Variants in CDH8 observed in about 807,000 individuals in gnomAD.
The protein encoded by CDH8 is cadherin-8.
Under a neutral mutation model 68.1 loss-of-function variants are expected in CDH8, and 17 were observed. The ratio of observed to expected loss-of-function variants is 0.25; its 90% confidence interval spans 0.17 to 0.37. The LOEUF (loss-of-function observed/expected upper bound fraction) is 0.37. CDH8 is among the 10% of genes least tolerant of loss of function. CDH8 has a pLI of 1.00. For synonymous variants in CDH8, 372 were observed against 365.1 expected, an observed-to-expected ratio of 1.02 and a Z score of -0.21; for missense variants, 763 against 999.3, an observed-to-expected ratio of 0.76 and a Z score of 3.19.
intron 4 of CDH8, among the ~76,000 whole-genome samples, chr16:61,827,187 T>C (rs572278385): frequency 6.6e-6 from 1 of 152,022 alleles, no homozygotes; most frequent in South Asian, 2.1e-4. Flanking sequence ...AATGTTTTCA[T>C]TATGGCTCAA....
At chr16:61,747,259 C>A (rs1960046920) in intron 8 of CDH8, among the ~76,000 whole-genome samples, 1 of 151,988 alleles carries the variant, frequency 6.6e-6, no homozygotes, top group Admixed American at 6.6e-5. Context: ...CTGCAAGGAA[C>A]AGGAAACATT....
chr16:61,909,993 T>TA (rs1964133257), intron 2 of CDH8, among the ~76,000 whole-genome samples: 1 of 152,190 alleles, frequency 6.6e-6, no homozygotes, highest in Non-Finnish European at 1.5e-5. Flanking sequence ...GTCAGCCCTA[T>TA]AGCAAATCCG....
intron 2 of CDH8, among the ~76,000 whole-genome samples, chr16:61,981,698 G>C (rs1180925561): frequency 6.6e-6 from 1 of 152,036 alleles, no homozygotes; most frequent in Non-Finnish European, 1.5e-5. Context: ...GCGCGCGTGC[G>C]CTTGGGGCAG....
At chr16:61,685,878 T>G (rs754643802) in intron 10 of CDH8, among the ~76,000 whole-genome samples, 2 of 151,914 alleles carry the variant, frequency 1.3e-5, no homozygotes, top group Non-Finnish European at 2.9e-5. Flanking sequence ...CCCTCCCACT[T>G]GAAAATGAAT....
intron 8 of CDH8, among the ~76,000 whole-genome samples, chr16:61,768,322 C>CTCTT (rs1960654503): frequency 1.4e-5 from 1 of 70,044 alleles, no homozygotes; most frequent in African/African-American, 5.7e-5. Context: ...CTTTCTCTCT[C>CTCTT]TCTCTCTCTC....
intron 9 of CDH8, among the ~76,000 whole-genome samples, chr16:61,724,107 G>A (rs1443583914): frequency 1.3e-5 from 2 of 150,736 alleles, no homozygotes; most frequent in Non-Finnish European, 3.0e-5. Flanking sequence ...GTAATGGACT[G>A]TGAACCATTT....
chr16:62,034,688 C>T (rs1272324479), intron 1 of CDH8, among the ~76,000 whole-genome samples: 1 of 151,944 alleles, frequency 6.6e-6, no homozygotes, highest in Non-Finnish European at 1.5e-5. Context: ...AAGGGATTGT[C>T]GAATCATGCC....
chr16:62,032,516 A>T (rs1567576442), intron 1 of CDH8, among the ~76,000 whole-genome samples: 1 of 152,228 alleles, frequency 6.6e-6, no homozygotes, highest in African/African-American at 2.4e-5. Context: ...GAAAACAAAA[A>T]GAAAATTGTT....
chr16:61,769,380 C>T (rs771379710), intron 8 of CDH8, among the ~76,000 whole-genome samples: 7 of 151,740 alleles, frequency 4.6e-5, no homozygotes, highest in Non-Finnish European at 1.0e-4. Flanking sequence ...ATTATCTGCA[C>T]CTTAATGTGA....
chr16:61,777,487 C>T (rs1596957825), intron 8 of CDH8, among the ~76,000 whole-genome samples: 1 of 152,082 alleles, frequency 6.6e-6, no homozygotes, highest in African/African-American at 2.4e-5. Flanking sequence ...CTTATCTACT[C>T]TTATTTTTGA....
intron 2 of CDH8, among the ~76,000 whole-genome samples, chr16:61,932,207 C>CA (rs35261724): frequency 0.089 from 7,381 of 83,272 alleles, 288 homozygotes; most frequent in Middle Eastern, 0.14. Context: ...AACTCCGTCT[C>CA]AAAAAAAAAA....
intron 2 of CDH8, among the ~76,000 whole-genome samples, chr16:61,962,209 C>G (rs1010781599): frequency 1.2e-4 from 19 of 152,048 alleles, no homozygotes; most frequent in African/African-American, 4.3e-4. Context: ...GTGGCAGAGG[C>G]AGAAGAAAAT....
chr16:61,735,973 T>C (rs1365306513), intron 8 of CDH8, among the ~76,000 whole-genome samples: 1 of 151,906 alleles, frequency 6.6e-6, no homozygotes, highest in Non-Finnish European at 1.5e-5. Flanking sequence ...TTCTGGAGGC[T>C]GAGGCAAGAG....
intron 10 of CDH8, among the ~76,000 whole-genome samples, chr16:61,688,067 G>A (rs1013885071): frequency 6.6e-5 from 10 of 151,874 alleles, no homozygotes; most frequent in Non-Finnish European, 1.2e-4. Context: ...CAGAATTTAT[G>A]TTCTAAACAA....
At chr16:61,961,766 C>A (rs1005557992) in intron 2 of CDH8, among the ~76,000 whole-genome samples, 12 of 152,166 alleles carry the variant, frequency 7.9e-5, no homozygotes, top group Admixed American at 2.6e-4. Flanking sequence ...ATACCTAGAA[C>A]AATGCCTAGC....
chr16:61,860,477 GAACT>G (rs1963129966), intron 3 of CDH8, among the ~76,000 whole-genome samples: 2 of 152,088 alleles, frequency 1.3e-5, no homozygotes, highest in African/African-American at 4.8e-5. Context: ...GTTACCGAAA[GAACT>G]AACAGAGTTC....
At chr16:61,697,280 T>C (rs1343755998) in intron 10 of CDH8, among the ~76,000 whole-genome samples, 1 of 151,964 alleles carries the variant, frequency 6.6e-6, no homozygotes, top group East Asian at 1.9e-4. Context: ...AGGGCCAGCA[T>C]CTTGTACAGG....
intron 3 of CDH8, among the ~76,000 whole-genome samples, chr16:61,882,648 A>C (rs1963599455): frequency 6.6e-6 from 1 of 152,154 alleles, no homozygotes; most frequent in South Asian, 2.1e-4. Flanking sequence ...GCATATTCTC[A>C]CTTATAAGTG....
intron 7 of CDH8, among the ~76,000 whole-genome samples, chr16:61,794,219 T>C (rs1260572161): frequency 6.6e-6 from 1 of 151,942 alleles, no homozygotes; most frequent in Non-Finnish European, 1.5e-5. Context: ...CCTGGATTTC[T>C]GTGTGTTTCT....
Sources: gnomAD v4.1 joint callset for allele counts (sites outside exome capture counted in the v4.1 genomes callset) on GRCh38, gnomAD v4.1.1 for gene constraint, MANE v1.5 for transcripts, NCBI Gene and HGNC (gene_info 2026-07-23, HGNC 2026-07-21) for gene names.